Variants in BNIP2 observed in about 807,000 individuals in gnomAD.
BNIP2 encodes BCL2/adenovirus E1B 19 kDa protein-interacting protein 2.
Under a neutral mutation model 43.4 loss-of-function variants are expected in BNIP2, and 36 were observed. The ratio of observed to expected loss-of-function variants is 0.83; its 90% CI spans 0.64 to 1.10. The LOEUF is 1.10. Among genes scored for constraint, BNIP2 ranks in the 50% least tolerant of loss-of-function variants. BNIP2 has a pLI of 0.00. For missense variants in BNIP2, 417 were observed against 374.1 expected (o/e 1.11, Z -0.95); for synonymous variants, 146 against 121.0 (o/e 1.21, Z -1.35).
Position 59,662,015 on chromosome 15 carries a change from T to G in BNIP2, c.*2054A>C, listed in dbSNP as rs917883096. 2 of 152,086 alleles carry G rather than the reference T, an allele frequency of 1.3e-5. No homozygotes were observed. Among genetic ancestry groups the G allele is most frequent in the Non-Finnish European group, 2.9e-5 (2 of 68,026 alleles). 9.4% of individuals were successfully genotyped at this position (152,086 alleles called of 1,614,324 possible). ...GTTTAACAGAATAGTCTTCTACTTT[T>G]AAAAAAAATTCAGAAAAACATCACT... On this transcript the variant is annotated 3_prime_UTR_variant, in exon 10 of 10. Transcript: ENST00000607373.
At chr15:59,689,093 G>C (rs1894215119) in intron 1 of BNIP2, 42 bp downstream of exon 1, 8 of 1,521,368 alleles carry the variant, frequency 5.3e-6, no homozygotes, top group Non-Finnish European at 7.0e-6. Flanking sequence ...TCCCAGTCCA[G>C]CTCCGGAGCC....
At chr15:59,687,877 G>A (rs373560447) in intron 1 of BNIP2, among the ~76,000 whole-genome samples, 15 of 151,448 alleles carry the variant, frequency 9.9e-5, no homozygotes, top group African/African-American at 3.4e-4. Flanking sequence ...TTATATATGA[G>A]GCAATGACAC....
intron 9 of BNIP2, chr15:59,668,685 AC>A: frequency 2.0e-6 from 1 of 488,770 alleles, no homozygotes; most frequent in Non-Finnish European, 3.6e-6. Context: ...TAGTTCTTCA[AC>A]TGACAGCCTG....
rs561262207 is a variant in BNIP2 at position 59,675,164 on chromosome 15, G to A, written c.473-2425C>T. Among the ~76,000 whole-genome samples, 23 of 150,758 alleles carry A rather than the reference G, an allele frequency of 1.5e-4. No individual in the cohort carries two copies. In the South Asian group the frequency reaches 1.7e-3, roughly 11 times the overall value. ...CTTGGGAGGCTGAGGCTGGCGTATC[G>A]CTTGAGCCTGGGAGGCAGAGGTTGC... On this transcript the variant is annotated intron_variant, in intron 5 of 9. Coordinates refer to ENST00000607373, the MANE Select transcript of BNIP2 (RefSeq NM_004330.4).
At position 59,660,904 on chromosome 15, in the gene BNIP2, C is replaced by A. The variant is rs1316733667; in HGVS notation, c.*3165G>T. 1 of 152,196 alleles carries A rather than the reference C, an allele frequency of 6.6e-6. No homozygotes were observed. The highest frequency in any genetic ancestry group is 6.5e-5 in the Admixed American group (1 of 15,276). 9.4% of individuals were successfully genotyped at this position (152,196 alleles called of 1,614,324 possible). Reference sequence around the variant, plus strand: ...GACAAAGAAAGAGAAAATATGAATTCTTATCATGGGTATGTATTATCAACT... The same window carrying A: ...GACAAAGAAAGAGAAAATATGAATTATTATCATGGGTATGTATTATCAACT... On this transcript the variant is annotated 3_prime_UTR_variant, in exon 10 of 10. Coordinates refer to ENST00000607373, the MANE Select transcript of BNIP2 (RefSeq NM_004330.4).
At chr15:59,679,834 A>G in intron 3 of BNIP2, 66 bp from the exon 4 acceptor site, 4 of 1,320,834 alleles carry the variant, frequency 3.0e-6, no homozygotes, top group Non-Finnish European at 4.0e-6. Context: ...GTTGAATAAG[A>G]AAAATTTTAA....
Position 59,663,989 on chromosome 15 carries a change from C to A in BNIP2, c.*80G>T. 9.1e-7 allele frequency: 1 copy of A among 1,102,040 alleles called. No homozygotes were observed. Among genetic ancestry groups the A allele is most frequent in the Non-Finnish European group, 1.3e-6 (1 of 781,176 alleles). The allele number at this position is 1,102,040 out of a possible 1,614,324, so 68.3% of individuals were successfully genotyped here. Reference sequence around the variant, plus strand: ...GTAACAGGTTACATAAAAATATGGGCCAATAAATGCATTATGAATGCAGAA... The same window carrying A: ...GTAACAGGTTACATAAAAATATGGGACAATAAATGCATTATGAATGCAGAA... On this transcript the variant is annotated 3_prime_UTR_variant, in exon 10 of 10. Transcript: ENST00000607373.
At chr15:59,669,057 A>T in intron 8 of BNIP2, 67 bp from the exon 9 acceptor site, 2 of 1,357,022 alleles carry the variant, frequency 1.5e-6, no homozygotes, top group South Asian at 1.3e-5. Context: ...AATGTTTACA[A>T]GATACAAAAA....
chr15:59,676,892 T>G, intron 5 of BNIP2: 1 of 1,600,108 alleles, frequency 6.2e-7, no homozygotes. Context: ...CGCTGTCACC[T>G]GCACGGTGTG....
At chr15:59,674,836 A>C (rs139191920) in intron 5 of BNIP2, among the ~76,000 whole-genome samples, 107 of 152,370 alleles carry the variant, frequency 7.0e-4, no homozygotes, top group African/African-American at 2.4e-3. Flanking sequence ...TTTATAACTT[A>C]AACTTTTATG....
intron 9 of BNIP2, among the ~76,000 whole-genome samples, chr15:59,665,786 A>G (rs1009016815): frequency 3.9e-5 from 6 of 152,240 alleles, no homozygotes; most frequent in African/African-American, 1.4e-4. Flanking sequence ...AGTGGTCTGA[A>G]TAACTGATGA....
chr15:59,669,490 C>A (rs1487179845), intron 7 of BNIP2, 128 bp from the exon 8 acceptor site: 2 of 570,000 alleles, frequency 3.5e-6, no homozygotes, highest in East Asian at 3.2e-5. Context: ...AGGTGTGATA[C>A]CCCTGTAGAC....
At chr15:59,677,417 C>T in intron 5 of BNIP2, 11 of 1,488,334 alleles carry the variant, frequency 7.4e-6, no homozygotes, top group Non-Finnish European at 9.9e-6. Context: ...CAGGTGGACA[C>T]AGTCCTAGGA....
chr15:59,664,987 C>T lies in BNIP2; in HGVS notation c.894-867G>A, dbSNP rs79021374. Among the ~76,000 whole-genome samples the T allele has an allele frequency of 4.0e-3, 609 of 152,232 alleles. 2 individuals are homozygous for T. The highest frequency in any genetic ancestry group is 0.014 in the African/African-American group (588 of 41,532). On this transcript the variant is annotated intron_variant, in intron 9 of 9. Coordinates refer to ENST00000607373, the MANE Select transcript of BNIP2 (RefSeq NM_004330.4). The stretch of plus-strand genomic sequence containing the variant: ...GCCTTAAGAATTTAACATTCAAGGC[C>T]GGATGCCGTGGCTCACGCCTGTAAT...
At chr15:59,684,733 T>C (rs1269057627) in intron 1 of BNIP2, among the ~76,000 whole-genome samples, 1 of 152,236 alleles carries the variant, frequency 6.6e-6, no homozygotes, top group Non-Finnish European at 1.5e-5. Context: ...CTTTCTATTA[T>C]CTTGTCGTAC....
rs184401907 is a variant in BNIP2, at chr15:59,667,109, T to A, written c.893+1783A>T. Among the ~76,000 whole-genome samples, 136 of 152,360 alleles carry A rather than the reference T, an allele frequency of 8.9e-4. 1 individual carries two copies. The highest frequency in any genetic ancestry group is 3.1e-4 in the Non-Finnish European group (21 of 68,028). On this transcript the variant is annotated intron_variant, in intron 9 of 9. Coordinates refer to ENST00000607373, the MANE Select transcript of BNIP2 (RefSeq NM_004330.4). ...CCTAGAAAGGAATGTGAAATCAGCA[T>A]GATCTAAAATCACTGTCTACATTTC...
intron 5 of BNIP2, among the ~76,000 whole-genome samples, chr15:59,674,206 T>C (rs1300198016): frequency 6.6e-6 from 1 of 152,196 alleles, no homozygotes; most frequent in Non-Finnish European, 1.5e-5. Context: ...CTTTAGATAT[T>C]AAGCCAATAT....
In BNIP2 at chr15:59,689,175, C is replaced by T; in HGVS notation, c.-98G>A. ...GGCCCCCTCGTCCTCTTCGCCCCTCCAGGCCGGCGACGTGGGGCTGACGGC... is the reference window on the plus strand; with the variant it reads ...GGCCCCCTCGTCCTCTTCGCCCCTCTAGGCCGGCGACGTGGGGCTGACGGC... On this transcript the variant is annotated 5_prime_UTR_variant, in exon 1 of 10. Coordinates refer to ENST00000607373, the MANE Select transcript of BNIP2 (RefSeq NM_004330.4). 6.5e-7 allele frequency: 1 copy of T among 1,538,712 alleles called. No homozygotes were observed. Among genetic ancestry groups the T allele is most frequent in the Non-Finnish European group, 8.7e-7 (1 of 1,146,480 alleles).
In BNIP2 at chr15:59,680,277, C is replaced by G. The variant is rs1461609975; in HGVS notation, c.82G>C (p.Asp28His). 5.0e-6 allele frequency: 8 copies of G among 1,603,028 alleles called. No homozygotes were observed. In the Admixed American group the frequency reaches 1.4e-4, roughly 27 times the overall value. Residue 28 changes from aspartate (D) to histidine (H), a missense_variant, in exon 3 of 10, where the codon GAT (aspartate) becomes CAT (histidine). Coordinates refer to ENST00000607373, the MANE Select transcript of BNIP2 (RefSeq NM_004330.4). ...PLPEDDSIEA[D>H]ILAITGPEDQ... is the part of the protein sequence containing the mutation. ...TCTGGTCCAGTTATAGCTAGTATAT[C>G]TGCTTCAATACTATCATCTTCTGGT...
Sources: allele counts gnomAD v4.1 joint callset (sites outside exome capture counted in the v4.1 genomes callset), GRCh38; gene constraint gnomAD v4.1.1; transcripts MANE v1.5; gene names NCBI Gene and HGNC (gene_info 2026-07-23, HGNC 2026-07-21).